KIF19: variants seen among roughly 807,000 people sequenced by gnomAD.
KIF19 encodes the protein kinesin-like protein KIF19.
In KIF19, 98 loss-of-function variants were observed where a neutral mutation model predicts 106.6. That is an observed-to-expected ratio of 0.92 (90% CI 0.78 to 1.09). KIF19 has a LOEUF of 1.09. Ranked by LOEUF, KIF19 falls within the 50% of genes least tolerant of loss-of-function variation. The pLI is 0.00. For synonymous variants in KIF19, 516 were observed against 584.2 expected, an observed-to-expected ratio of 0.88 and a Z score of 1.68; for missense variants, 1,373 against 1,414.3, an observed-to-expected ratio of 0.97 and a Z score of 0.47.
rs35461410 is a variant in KIF19, at chr17:74,349,801, ATT to A, written c.1213+466_1213+467del. On this transcript the variant is annotated intron_variant, in intron 10 of 19. Coordinates refer to ENST00000389916, the MANE Select transcript of KIF19 (RefSeq NM_153209.4). ...ATAAAGAGAGAGGCAGACAGTAAAGATTTTTTTTTTTTTTTGAGACAGAGTCT... is the reference window on the plus strand; with the variant it reads ...ATAAAGAGAGAGGCAGACAGTAAAGATTTTTTTTTTTTTGAGACAGAGTCT... Among the ~76,000 whole-genome samples, 405 of 146,454 alleles carry A rather than the reference ATT, an allele frequency of 2.8e-3. 1 individual carries two copies. Among genetic ancestry groups the A allele is most frequent in the African/African-American group, 7.0e-3 (277 of 39,596 alleles).
rs2054548288 is a variant in KIF19, at chr17:74,346,930, TAGC to T, written c.924+411_924+413del. Reference sequence around the variant, plus strand: ...CAGGGGTGTCCTTGGCCTTAAATTATAGCAGCATCACTGAGCGCCCACTCCTGG... The same window carrying T: ...CAGGGGTGTCCTTGGCCTTAAATTATAGCATCACTGAGCGCCCACTCCTGG... On this transcript the variant is annotated intron_variant, in intron 8 of 19. Coordinates refer to ENST00000389916, the MANE Select transcript of KIF19 (RefSeq NM_153209.4). This position sits in a 1 kb window ranked among gnomAD's most constrained non-coding sequence, Gnocchi z 4.6. Among the ~76,000 whole-genome samples, 1 of 152,150 alleles carries T rather than the reference TAGC, an allele frequency of 6.6e-6. No individual in the cohort carries two copies.
In KIF19 at chr17:74,350,420, C is replaced by A. The variant is rs376983567; in HGVS notation, c.1233C>A (p.Ser411Arg). The change falls in exon 11 of 20, where the codon AGC becomes AGA. Residue 411 changes from serine (S) to arginine (R), a missense_variant. Around this residue, in one of 3 missense-constraint regions of KIF19, gnomAD observed 1,020 missense variants for 1,008.2 expected, o/e 1.01. Coordinates refer to ENST00000389916, the MANE Select transcript of KIF19 (RefSeq NM_153209.4). Reference protein sequence around the residue: ...RHIQAEVQLHSGQGEKAGMGQ... With the variant: ...RHIQAEVQLHRGQGEKAGMGQ... ...CGGCAGCTGAGGTCCAGCTGCACAG[C>A]GGGCAGGGTGAGAAGGCTGGCATGG... 5 of 1,602,960 alleles carry A rather than the reference C, an allele frequency of 3.1e-6. No homozygotes were observed. The highest frequency in any genetic ancestry group is 4.3e-6 in the Non-Finnish European group (5 of 1,175,986).
chr17:74,352,142 G>A lies in KIF19; in HGVS notation c.1858+5G>A, dbSNP rs2054729855. 1.9e-6 allele frequency: 3 copies of A among 1,581,804 alleles called. No homozygotes were observed. Among genetic ancestry groups the A allele is most frequent in the Middle Eastern group, 1.7e-4 (1 of 5,946 alleles). ...GCCAGCGGCAGATCATCGACGGTAG[G>A]GCCCACGCCCCCGCGCATCTGAGCC... On this transcript the variant is annotated splice_donor_5th_base_variant and intron_variant, in intron 13 of 19. Transcript: ENST00000389916.
intron 3 of KIF19, among the ~76,000 whole-genome samples, chr17:74,342,327 G>A (rs2054403123): frequency 6.6e-6 from 1 of 152,172 alleles, no homozygotes; most frequent in South Asian, 2.1e-4. Context: ...CCTCCTCGAG[G>A]ACCCCCATCT....
At chr17:74,341,322 TAAATA>T (rs1320679267) in intron 2 of KIF19, among the ~76,000 whole-genome samples, 2 of 152,096 alleles carry the variant, frequency 1.3e-5, no homozygotes, top group Admixed American at 1.3e-4. Flanking sequence ...GTCTCAAAAA[TAAATA>T]AATAAATAAA....
chr17:74,326,648 A>G (rs533282572), intron 1 of KIF19, among the ~76,000 whole-genome samples: 24 of 152,004 alleles, frequency 1.6e-4, no homozygotes, highest in African/African-American at 5.8e-4. Context: ...CCATTGGGAG[A>G]TCCCGCCCCC....
intron 2 of KIF19, among the ~76,000 whole-genome samples, chr17:74,339,745 C>T (rs534074213): frequency 2.6e-5 from 4 of 152,354 alleles, no homozygotes; most frequent in East Asian, 1.9e-4. Context: ...GGAGCCCAGG[C>T]GTCCCCAGGC....
Position 74,347,842 on chromosome 17 carries a change from C to A in KIF19, c.990C>A (p.Phe330Leu), listed in dbSNP as rs752714927. The A allele has an allele frequency of 6.9e-6, 11 of 1,585,854 alleles. No homozygotes were observed. The highest frequency in any genetic ancestry group is 8.6e-6 in the Non-Finnish European group (10 of 1,166,686). Residue 330 changes from phenylalanine (F) to leucine (L), a missense_variant, in exon 9 of 20, where the codon TTC (phenylalanine) becomes TTA (leucine). Physicochemically the swap from Phe to Leu is conservative, Grantham distance 22. Transcript: ENST00000389916. ...IAHISPASSA[F>L]EESRNTLTYA... ...ACATCAGTCCTGCGAGCAGTGCCTT[C>A]GAGGAGTCCCGGAACACCCTGACCT...
At position 74,355,321 on chromosome 17, in the gene KIF19, G is replaced by A; in HGVS notation, c.*9G>A. 1 of 1,599,760 alleles carries A rather than the reference G, an allele frequency of 6.3e-7. No individual in the cohort carries two copies. On this transcript the variant is annotated 3_prime_UTR_variant, in exon 20 of 20. Transcript: ENST00000389916. Reference sequence around the variant, plus strand: ...GCTCCCGGCATAACTGAGGGGCCCTGCCTGGAACTGGCTCTCTCACCTCCC... The same window carrying A: ...GCTCCCGGCATAACTGAGGGGCCCTACCTGGAACTGGCTCTCTCACCTCCC...
chr17:74,353,603 C>G (rs750067791), intron 17 of KIF19, 22 bp downstream of exon 17: 12 of 1,585,388 alleles, frequency 7.6e-6, no homozygotes, highest in Non-Finnish European at 1.0e-5. Context: ...CTCTGCTGCC[C>G]GGCCACCTCA....
intron 2 of KIF19, 136 bp from the exon 3 acceptor site, chr17:74,341,740 C>G: frequency 1.5e-6 from 1 of 669,676 alleles, no homozygotes; most frequent in Non-Finnish European, 2.7e-6. Context: ...GCGACGAGGG[C>G]TAGATTCAGA....
intron 2 of KIF19, among the ~76,000 whole-genome samples, chr17:74,332,885 C>G (rs1207196537): frequency 6.6e-6 from 1 of 152,222 alleles, no homozygotes; most frequent in African/African-American, 2.4e-5. Context: ...CAAGTTGAAA[C>G]TCTCCCTGGG....
chr17:74,345,273 G>C (rs2054504456), intron 7 of KIF19, among the ~76,000 whole-genome samples: 1 of 152,064 alleles, frequency 6.6e-6, no homozygotes, highest in Admixed American at 6.6e-5. Flanking sequence ...GGAGGATGGG[G>C]GTTTCTCCAG....
intron 12 of KIF19, 137 bp downstream of exon 12, chr17:74,351,042 C>A: frequency 1.2e-6 from 1 of 848,546 alleles, no homozygotes; most frequent in Non-Finnish European, 1.9e-6. Context: ...TGTGACTTTG[C>A]TAAGCTCTTT....
intron 10 of KIF19, 124 bp from the exon 11 acceptor site, chr17:74,350,277 C>T (rs866552763): frequency 1.1e-5 from 9 of 835,442 alleles, no homozygotes; most frequent in Middle Eastern, 3.6e-4. Context: ...CTGGAGGAAG[C>T]AGTTGGACAG....
chr17:74,329,689 T>C (rs537118429), intron 2 of KIF19, among the ~76,000 whole-genome samples: 69 of 151,948 alleles, frequency 4.5e-4, no homozygotes, highest in Non-Finnish European at 8.8e-4. Flanking sequence ...CCAAACCACA[T>C]ACTCTGTAGA....
chr17:74,342,599 C>T, intron 3 of KIF19, 31 bp from the exon 4 acceptor site: 3 of 1,580,410 alleles, frequency 1.9e-6, no homozygotes, highest in Non-Finnish European at 2.6e-6. Context: ...CCGCCTGTGT[C>T]CCGGCCCCTG....
At chr17:74,339,007 G>A (rs1375853044) in intron 2 of KIF19, among the ~76,000 whole-genome samples, 1 of 151,934 alleles carries the variant, frequency 6.6e-6, no homozygotes, top group Non-Finnish European at 1.5e-5. Flanking sequence ...CTTCTATGGG[G>A]CACCCCTATG....
intron 2 of KIF19, among the ~76,000 whole-genome samples, chr17:74,335,426 T>G (rs944848228): frequency 6.6e-6 from 1 of 152,232 alleles, no homozygotes; most frequent in Non-Finnish European, 1.5e-5. Context: ...ATTTCTCACC[T>G]AGATGCTTGG....
Sources: gnomAD v4.1 joint callset for allele counts (sites outside exome capture counted in the v4.1 genomes callset) on GRCh38, gnomAD v4.1.1 for gene constraint, gnomAD v4.1.1 regional missense constraint, Gnocchi (gnomAD v3.1) non-coding constraint, MANE v1.5 for transcripts, NCBI Gene and HGNC (gene_info 2026-07-23, HGNC 2026-07-21) for gene names.